LOXHD1: variants seen among roughly 807,000 people sequenced by gnomAD.
The protein encoded by LOXHD1 is lipoxygenase homology PLAT domains 1, also known as lipoxygenase homology domain-containing protein 1.
A neutral mutation model predicts 248.2 loss-of-function variants in LOXHD1; 205 were observed. That is an observed-to-expected ratio of 0.83 (90% confidence interval 0.74 to 0.93). LOXHD1 has a LOEUF of 0.93. Ranked by LOEUF, LOXHD1 falls within the 40% of genes least tolerant of loss-of-function variation. LOXHD1 has a pLI of 0.00. For missense variants in LOXHD1, 2,930 were observed against 2,971.6 expected, an observed-to-expected ratio of 0.99 and a Z score of 0.33; for synonymous variants, 1,113 against 1,162.8, an observed-to-expected ratio of 0.96 and a Z score of 0.87.
chr18:46,555,790 T>C (rs573915510), intron 21 of LOXHD1, among the ~76,000 whole-genome samples: 2 of 152,144 alleles, frequency 1.3e-5, no homozygotes, highest in African/African-American at 4.8e-5. Context: ...ATAGACAGTC[T>C]GGAGTTCTGG....
chr18:46,648,299 C>CA (rs755718538), intron 2 of LOXHD1, among the ~76,000 whole-genome samples: 115 of 151,084 alleles, frequency 7.6e-4, no homozygotes, highest in African/African-American at 2.5e-3. Flanking sequence ...AACAATCAAA[C>CA]AAAAAAAAAC....
At chr18:46,557,914 G>T in intron 20 of LOXHD1, 1 of 1,067,256 alleles carries the variant, frequency 9.4e-7, no homozygotes, top group Non-Finnish European at 1.1e-6. Context: ...GCTATGAGCT[G>T]GTGCTGTGCA....
At position 46,524,758 on chromosome 18, in the gene LOXHD1, G is replaced by T. The variant is rs573600473; in HGVS notation, c.4690C>A (p.Leu1564Ile). 1 of 1,551,756 alleles carries T rather than the reference G, an allele frequency of 6.4e-7. No individual in the cohort carries two copies. The highest frequency in any genetic ancestry group is 2.0e-5 in the Admixed American group (1 of 51,012). The stretch of plus-strand genomic sequence containing the variant: ...CGCCCATCCTCCTTCTTCAGGGAGA[G>T]CCAGCGCCCGCATAGGAACAGGAAC... ...DEFLFLCGRW[L>I]SLKKEDGRLE... Residue 1564 changes from leucine (L) to isoleucine (I), a missense_variant, in exon 30 of 41, where the codon CTC becomes ATC. Coordinates refer to ENST00000642948, the MANE Select transcript of LOXHD1 (RefSeq NM_001384474.1).
chr18:46,531,580 T>TCA (rs373814500), intron 28 of LOXHD1, among the ~76,000 whole-genome samples: 1 of 152,032 alleles, frequency 6.6e-6, no homozygotes, highest in Non-Finnish European at 1.5e-5. Context: ...CACTCCCCCT[T>TCA]TCTGCTTTCT....
chr18:46,505,826 A>G lies in LOXHD1; in HGVS notation c.5878+12T>C, dbSNP rs1485926825. 1 of 1,551,516 alleles carries G rather than the reference A, an allele frequency of 6.4e-7. No individual in the cohort carries two copies. The highest frequency in any genetic ancestry group is 8.7e-7 in the Non-Finnish European group (1 of 1,146,900). The stretch of plus-strand genomic sequence containing the variant: ...CTGCCCTCCCACCAACCTGGCCTTG[A>G]GTGGGAGCTACCTTTGTTGTCGTGC... On this transcript the variant is annotated intron_variant, in intron 37 of 40. Coordinates refer to ENST00000642948, the MANE Select transcript of LOXHD1 (RefSeq NM_001384474.1).
At chr18:46,570,522 C>A (rs574469587) in intron 15 of LOXHD1, among the ~76,000 whole-genome samples, 1 of 152,316 alleles carries the variant, frequency 6.6e-6, no homozygotes, top group Non-Finnish European at 1.5e-5. Flanking sequence ...TGCAGGTCTG[C>A]TCCAGATCAG....
chr18:46,634,977 T>A (rs112208309), intron 4 of LOXHD1, among the ~76,000 whole-genome samples: 1 of 152,078 alleles, frequency 6.6e-6, no homozygotes, highest in Non-Finnish European at 1.5e-5. Flanking sequence ...AATTTTTTTT[T>A]AAAAGAAGCA....
intron 39 of LOXHD1, among the ~76,000 whole-genome samples, chr18:46,483,955 G>T (rs1029929003): frequency 2.6e-5 from 4 of 152,154 alleles, no homozygotes; most frequent in African/African-American, 9.7e-5. Context: ...TAGCTGCCTG[G>T]CCTCAGCACC....
At chr18:46,485,348 C>T (rs1369312874) in intron 38 of LOXHD1, among the ~76,000 whole-genome samples, 197 bp from the exon 39 acceptor site, 3 of 151,912 alleles carry the variant, frequency 2.0e-5, no homozygotes, top group Admixed American at 6.6e-5. Context: ...ACAGCGAATG[C>T]TCTCATTTTA....
intron 37 of LOXHD1, among the ~76,000 whole-genome samples, chr18:46,490,371 ACTT>A (rs1338612221): frequency 6.6e-6 from 1 of 152,238 alleles, no homozygotes; most frequent in Non-Finnish European, 1.5e-5. Flanking sequence ...TTGAAAAAGT[ACTT>A]CTTACGTTTT....
intron 16 of LOXHD1, among the ~76,000 whole-genome samples, chr18:46,567,901 A>G (rs1450378140): frequency 6.6e-6 from 1 of 152,140 alleles, no homozygotes; most frequent in Non-Finnish European, 1.5e-5. Flanking sequence ...GAAACTCAGG[A>G]AGAAGCTTAA....
At chr18:46,494,265 G>A (rs1313982575) in intron 37 of LOXHD1, among the ~76,000 whole-genome samples, 1 of 152,160 alleles carries the variant, frequency 6.6e-6, no homozygotes, top group African/African-American at 2.4e-5. Flanking sequence ...GCTCTTAATT[G>A]TATCACAGTG....
chr18:46,528,769 G>A (rs1200438347), intron 29 of LOXHD1, among the ~76,000 whole-genome samples: 2 of 152,130 alleles, frequency 1.3e-5, no homozygotes. Context: ...GCAGAACCAG[G>A]CCTCCAGATC....
At chr18:46,588,326 C>T (rs1035009650) in intron 12 of LOXHD1, among the ~76,000 whole-genome samples, 2 of 152,208 alleles carry the variant, frequency 1.3e-5, no homozygotes, top group Admixed American at 1.3e-4. Context: ...TGCCTTATAG[C>T]CACAACAGAC....
chr18:46,598,268 T>C (rs1400670262), intron 8 of LOXHD1, among the ~76,000 whole-genome samples: 3 of 152,166 alleles, frequency 2.0e-5, no homozygotes, highest in African/African-American at 7.2e-5. Context: ...TTAACACCAA[T>C]TCATCATAAA....
Position 46,639,785 on chromosome 18 carries a change from G to T in LOXHD1, c.342C>A (p.Asn114Lys), listed in dbSNP as rs537702243. 1 of 1,551,698 alleles carries T rather than the reference G, an allele frequency of 6.4e-7. No individual in the cohort carries two copies. Among genetic ancestry groups the T allele is most frequent in the Non-Finnish European group, 8.7e-7 (1 of 1,147,000 alleles). Residue 114 changes from asparagine (N) to lysine (K), a missense_variant, in exon 4 of 41, where the codon AAC becomes AAA. Transcript: ENST00000642948. ...LIYKVRIEHD[N>K]TGLNASWYLD... ...GGTACCAGCTGGCATTCAAGCCCGT[G>T]TTGTCATGCTCAATCCTGAGGCAGA...
At chr18:46,572,019 C>T in intron 15 of LOXHD1, 67 bp downstream of exon 15, 1 of 1,377,586 alleles carries the variant, frequency 7.3e-7, no homozygotes. Context: ...TCTTGAAGGG[C>T]TTAGCTGAGG....
rs1344696435 is a variant in LOXHD1, at chr18:46,593,740, C to A, written c.1291G>T (p.Val431Phe). Reference sequence around the variant, plus strand: ...GCTTTCTTTAGGTCGGTTGTCCAGACCCACAGGGACCAAGGGAATTCTGTA... The same window carrying A: ...GCTTTCTTTAGGTCGGTTGTCCAGAACCACAGGGACCAAGGGAATTCTGTA... ...RLKKFPWSLW[V>F]WTTDLKKAGT... Residue 431 changes from valine (V) to phenylalanine (F), a missense_variant, in exon 10 of 41, where the codon GTC (valine) becomes TTC (phenylalanine). Coordinates refer to ENST00000642948, the MANE Select transcript of LOXHD1 (RefSeq NM_001384474.1). 2 of 1,551,780 alleles carry A rather than the reference C, an allele frequency of 1.3e-6. No homozygotes were observed. The highest frequency in any genetic ancestry group is 1.7e-6 in the Non-Finnish European group (2 of 1,147,040).
intron 39 of LOXHD1, 128 bp downstream of exon 39, chr18:46,484,891 G>T: frequency 8.8e-7 from 1 of 1,137,786 alleles, no homozygotes; most frequent in Non-Finnish European, 1.2e-6. Context: ...GCACACAGTA[G>T]GTGCTCAGTA....
Sources: gnomAD v4.1 joint callset for allele counts (sites outside exome capture counted in the v4.1 genomes callset) on GRCh38, gnomAD v4.1.1 for gene constraint, MANE v1.5 for transcripts, NCBI Gene and HGNC (gene_info 2026-07-23, HGNC 2026-07-21) for gene names.